CCDC59: variants seen among roughly 807,000 people sequenced by gnomAD.
CCDC59 encodes thyroid transcription factor 1-associated protein 26.
A neutral mutation model predicts 30.5 loss-of-function variants in CCDC59; 27 were observed. That is an observed-to-expected ratio of 0.89 (90% CI 0.65 to 1.22). The LOEUF (loss-of-function observed/expected upper bound fraction) is 1.22, where lower values mean the gene tolerates loss of function less well. Ranked by LOEUF, CCDC59 falls within the 50% of genes most tolerant of loss-of-function variation. CCDC59 has a pLI of 0.00. For synonymous variants in CCDC59, 125 were observed against 100.9 expected (o/e 1.24, Z -1.43); for missense variants, 362 against 284.4 (o/e 1.27, Z -1.96).
At chr12:82,358,518 G>T (rs757034397), upstream of CCDC59, 1 of 1,598,406 alleles carries the variant, frequency 6.3e-7, no homozygotes, top group Admixed American at 1.7e-5. Flanking sequence ...CCGAGCTGGC[G>T]CCTCACGGCC....
intron 2 of CCDC59, chr12:82,355,944 A>T (rs1386368021): frequency 1.3e-5 from 2 of 152,188 alleles, no homozygotes; most frequent in African/African-American, 4.8e-5. Flanking sequence ...ATCAGAGAAT[A>T]ACTCAAATCT....
In CCDC59 at chr12:82,352,962, CAAAT is replaced by C. The variant is rs1880872250; in HGVS notation, c.*185_*188del. 1 of 447,522 alleles carries C rather than the reference CAAAT, an allele frequency of 2.2e-6. No homozygotes were observed. The highest frequency in any genetic ancestry group is 3.9e-6 in the Non-Finnish European group (1 of 258,404). The allele number at this position is 447,522 out of a possible 1,614,324, so 27.7% of individuals were successfully genotyped here. On this transcript the variant is annotated 3_prime_UTR_variant, in exon 4 of 4. Transcript: ENST00000256151. ...CTTCAGGCCAACCTTCCTTCAGAGG[CAAAT>C]AAATAAGAAACATGTAGAACATATT... is the stretch of plus-strand genomic sequence containing the variant.
At position 82,357,256 on chromosome 12, in the gene CCDC59, A is replaced by C. The variant is rs1271158589; in HGVS notation, c.168T>G (p.Ala56=). 6.2e-7 allele frequency: 1 copy of C among 1,605,138 alleles called. No homozygotes were observed. Among genetic ancestry groups the C allele is most frequent in the South Asian group, 1.1e-5 (1 of 90,442 alleles). The change falls in exon 2 of 4, where the codon GCT becomes GCG. Residue 56 remains alanine (A), a synonymous_variant. Coordinates refer to ENST00000256151, the MANE Select transcript of CCDC59 (RefSeq NM_014167.5). ...GCTGTATTTTCAGTTTTCTTCGAAA[A>C]GCAAAGCCTTGTCCTACATTGAGGA... ...VGSVREGQGF[A]FRRKLKIQQS...
intron 2 of CCDC59, 146 bp from the exon 3 acceptor site, chr12:82,354,740 T>C: frequency 1.7e-6 from 1 of 591,564 alleles, no homozygotes; most frequent in Non-Finnish European, 2.5e-6. Flanking sequence ...TAGGAAAAAA[T>C]ATAGAAAGCT....
chr12:82,355,889 T>C (rs1316350122), intron 2 of CCDC59: 1 of 152,206 alleles, frequency 6.6e-6, no homozygotes, highest in African/African-American at 2.4e-5. Flanking sequence ...AAAAGCATGA[T>C]TTTTTACCTT....
chr12:82,357,659 T>C (rs1414437772), intron 1 of CCDC59, among the ~76,000 whole-genome samples: 2 of 152,232 alleles, frequency 1.3e-5, no homozygotes, highest in Non-Finnish European at 2.9e-5. Context: ...TCTAGTATCT[T>C]GGACAAACTA....
upstream of CCDC59, chr12:82,358,698 T>G: frequency 1.2e-6 from 2 of 1,614,152 alleles, no homozygotes; most frequent in Non-Finnish European, 8.5e-7. Context: ...CTACACAGAA[T>G]CCGTGTGGGA....
In CCDC59 at chr12:82,352,630, G is replaced by A. The variant is rs964587552; in HGVS notation, c.*521C>T. The A allele has an allele frequency of 4.6e-5, 7 of 152,324 alleles. No individual in the cohort carries two copies. Among genetic ancestry groups the A allele is most frequent in the African/African-American group, 1.7e-4 (7 of 41,448 alleles). 9.4% of individuals were successfully genotyped at this position (152,324 alleles called of 1,614,324 possible). On this transcript the variant is annotated 3_prime_UTR_variant, in exon 4 of 4. Transcript: ENST00000256151. ...TTTAAGGGAATGTTTATAAATATCAGACTTTGAGTTCACTGCTTTGTGAAG... is the reference window on the plus strand; with the variant it reads ...TTTAAGGGAATGTTTATAAATATCAAACTTTGAGTTCACTGCTTTGTGAAG...
At chr12:82,358,765 C>G (rs767355719), upstream of CCDC59, 2 of 1,613,600 alleles carry the variant, frequency 1.2e-6, no homozygotes, top group East Asian at 2.2e-5. Flanking sequence ...AAGTCAGCGT[C>G]GGAGACGGAG....
At chr12:82,354,804 T>TA in intron 2 of CCDC59, 1 of 337,978 alleles carries the variant, frequency 3.0e-6, no homozygotes, top group Non-Finnish European at 5.2e-6. Context: ...ATGAAACCAG[T>TA]ATATGAATGA....
rs1880857904 is a variant in CCDC59 at position 82,352,502 on chromosome 12, A to C, written c.*649T>G. On this transcript the variant is annotated 3_prime_UTR_variant, in exon 4 of 4. Transcript: ENST00000256151. ...AGGGAGACAGAGATAATGTTCTTAA[A>C]GTATAGGGTCCATAGGAACTGGAAA... 1 of 152,242 alleles carries C rather than the reference A, an allele frequency of 6.6e-6. No homozygotes were observed. Among genetic ancestry groups the C allele is most frequent in the Non-Finnish European group, 1.5e-5 (1 of 68,038 alleles). The allele number at this position is 152,242 out of a possible 1,614,324, so 9.4% of individuals were successfully genotyped here. A position where few individuals can be genotyped will look rare whatever the true frequency, so the allele number is the denominator to read the frequency against.
Position 82,357,308 on chromosome 12 carries a change from A to C in CCDC59, c.155-39T>G, listed in dbSNP as rs138370934. On this transcript the variant is annotated intron_variant, in intron 1 of 3. Transcript: ENST00000256151. ...TATCATCCAAAATTACTTTCAGAGA[A>C]AAGAAGTTGAACGAAGAATGGAGCT... The C allele has an allele frequency of 2.6e-6, 4 of 1,541,192 alleles. No individual in the cohort carries two copies. In the Admixed American group the frequency reaches 7.6e-5, roughly 29 times the overall value.
chr12:82,358,518 G>C (rs757034397), upstream of CCDC59: 12 of 1,598,288 alleles, frequency 7.5e-6, no homozygotes, highest in Non-Finnish European at 9.4e-6. Flanking sequence ...CCGAGCTGGC[G>C]CCTCACGGCC....
chr12:82,357,735 AT>A (rs1420827536), intron 1 of CCDC59, among the ~76,000 whole-genome samples: 1 of 152,244 alleles, frequency 6.6e-6, no homozygotes, highest in Non-Finnish European at 1.5e-5. Flanking sequence ...AAAGCTAGCA[AT>A]TATCGGAAGA....
intron 3 of CCDC59, among the ~76,000 whole-genome samples, 183 bp from the exon 4 acceptor site, chr12:82,353,495 A>G (rs1415304401): frequency 6.6e-6 from 1 of 152,148 alleles, no homozygotes; most frequent in Non-Finnish European, 1.5e-5. Flanking sequence ...ATAATGACCC[A>G]TGGTATAACA....
At position 82,354,599 on chromosome 12, in the gene CCDC59, T is replaced by A; in HGVS notation, c.465-5A>T. ...TTCTTTGGAATTGTAAAGGAGCTTT[T>A]AATTGGGGGATGAGGAAACAGGACT... is the stretch of plus-strand genomic sequence containing the variant. On this transcript the variant is annotated splice_region_variant and splice_polypyrimidine_tract_variant and intron_variant, in intron 2 of 3. Coordinates refer to ENST00000256151, the MANE Select transcript of CCDC59 (RefSeq NM_014167.5). 1 of 1,567,084 alleles carries A rather than the reference T, an allele frequency of 6.4e-7. No individual in the cohort carries two copies. The highest frequency in any genetic ancestry group is 8.7e-7 in the Non-Finnish European group (1 of 1,154,034).
upstream of CCDC59, chr12:82,358,781 GC>G (rs1881334293): frequency 6.2e-7 from 1 of 1,613,662 alleles, no homozygotes; most frequent in South Asian, 1.1e-5. Flanking sequence ...CGGAGGCCCT[GC>G]CCTCAGAGAC....
chr12:82,354,679 T>G, intron 2 of CCDC59, 85 bp from the exon 3 acceptor site: 1 of 1,209,036 alleles, frequency 8.3e-7, no homozygotes, highest in Non-Finnish European at 1.1e-6. Flanking sequence ...CTTTTAAGAG[T>G]ATATATTAAA....
At chr12:82,355,491 AT>A (rs1443990962) in intron 2 of CCDC59, 1 of 152,254 alleles carries the variant, frequency 6.6e-6, no homozygotes, top group South Asian at 2.1e-4. Flanking sequence ...TTTAAAAAAA[AT>A]CTTCTATACA....
Sources: allele counts gnomAD v4.1 joint callset (sites outside exome capture counted in the v4.1 genomes callset), GRCh38; gene constraint gnomAD v4.1.1; transcripts MANE v1.5; gene names NCBI Gene and HGNC (gene_info 2026-07-23, HGNC 2026-07-21).